STAG1: variants seen among roughly 807,000 people sequenced by gnomAD.
The protein encoded by STAG1 is cohesin subunit SA-1.
STAG1 carries 26 observed loss-of-function variants against 170.9 expected under a neutral mutation model. That is an observed-to-expected ratio of 0.15 (90% CI 0.11 to 0.21). The LOEUF (loss-of-function observed/expected upper bound fraction) is 0.21, where lower values mean the gene tolerates loss of function less well. Among genes scored for constraint, STAG1 ranks in the 10% least tolerant of loss-of-function variants. STAG1 has a pLI of 1.00. For synonymous variants in STAG1, 514 were observed against 497.7 expected (o/e 1.03, Z -0.44); for missense variants, 964 against 1,509.5 (o/e 0.64, Z 5.99).
At chr3:136,453,550 C>T (rs186577251) in intron 13 of STAG1, among the ~76,000 whole-genome samples, 140 of 146,728 alleles carry the variant, frequency 9.5e-4, no homozygotes, top group Non-Finnish European at 1.7e-3. Context: ...GAGATCGCGC[C>T]ACTGCACTCC....
intron 16 of STAG1, among the ~76,000 whole-genome samples, chr3:136,425,665 G>A (rs2088097766): frequency 1.3e-5 from 2 of 151,054 alleles, no homozygotes; most frequent in South Asian, 4.2e-4. Flanking sequence ...CAATATGAAT[G>A]TATGATTTAA....
chr3:136,734,240 T>C (rs1934211957), intron 1 of STAG1, among the ~76,000 whole-genome samples: 1 of 151,872 alleles, frequency 6.6e-6, no homozygotes, highest in Non-Finnish European at 1.5e-5. Context: ...ACAGGAAAAA[T>C]TGTAACCTGA....
chr3:136,634,325 C>G (rs1026224291), intron 1 of STAG1, among the ~76,000 whole-genome samples: 13 of 151,774 alleles, frequency 8.6e-5, no homozygotes, highest in African/African-American at 2.9e-4. Flanking sequence ...CCACTACACT[C>G]CAGCCTGGGG....
At chr3:136,563,873 T>G (rs1245105347) in intron 5 of STAG1, among the ~76,000 whole-genome samples, 1 of 151,690 alleles carries the variant, frequency 6.6e-6, no homozygotes, top group African/African-American at 2.4e-5. Flanking sequence ...ACAAAAAAAC[T>G]TTAGCTGGGC....
At position 136,343,712 on chromosome 3, in the gene STAG1, C is replaced by T. The variant is rs1936095941; in HGVS notation, c.3446+120G>A. ...CTTCTCACATGAAGTGTTTACCCTC[C>T]GTTTGTGGCTTATCATGAACTGACC... On this transcript the variant is annotated intron_variant, in intron 30 of 33. Transcript: ENST00000383202. 9.2e-6 allele frequency: 6 copies of T among 655,406 alleles called. No homozygotes were observed. The South Asian group carries it at 1.1e-4, about 12-fold the overall frequency. 40.6% of individuals were successfully genotyped at this position (655,406 alleles called of 1,614,324 possible).
At chr3:136,668,599 T>C (rs1251137313) in intron 1 of STAG1, among the ~76,000 whole-genome samples, 6 of 151,694 alleles carry the variant, frequency 4.0e-5, no homozygotes, top group Admixed American at 6.6e-5. Context: ...CTGCCAACTG[T>C]GAAAGCAGAG....
intron 9 of STAG1, among the ~76,000 whole-genome samples, chr3:136,477,781 T>G (rs530183002): frequency 2.6e-5 from 4 of 152,272 alleles, no homozygotes; most frequent in African/African-American, 9.6e-5. Context: ...TCAAAAGAAC[T>G]GTTAATCTTT....
chr3:136,412,444 T>G (rs1434399354), intron 21 of STAG1, among the ~76,000 whole-genome samples: 1 of 152,192 alleles, frequency 6.6e-6, no homozygotes, highest in East Asian at 1.9e-4. Flanking sequence ...TTACATAGTT[T>G]TAAAGAATAC....
chr3:136,657,789 T>C (rs1233078966), intron 1 of STAG1, among the ~76,000 whole-genome samples: 1 of 152,056 alleles, frequency 6.6e-6, no homozygotes, highest in Non-Finnish European at 1.5e-5. Context: ...ACCACTGCAC[T>C]CCAGCCTAGG....
At chr3:136,715,625 G>GA (rs1473314241) in intron 1 of STAG1, among the ~76,000 whole-genome samples, 2 of 151,408 alleles carry the variant, frequency 1.3e-5, no homozygotes, top group African/African-American at 4.9e-5. Flanking sequence ...TTTCAAAAAA[G>GA]AAAAAAATTT....
chr3:136,698,437 T>C (rs1040681797), intron 1 of STAG1, among the ~76,000 whole-genome samples: 3 of 151,988 alleles, frequency 2.0e-5, no homozygotes, highest in Non-Finnish European at 4.4e-5. Context: ...AAAACCACAA[T>C]GAGATACCAC....
intron 1 of STAG1, among the ~76,000 whole-genome samples, chr3:136,645,412 C>T (rs1310314553): frequency 6.6e-6 from 1 of 152,162 alleles, no homozygotes; most frequent in Non-Finnish European, 1.5e-5. Context: ...GTTTCATTGA[C>T]TTCAGCCCCA....
At chr3:136,719,399 G>A (rs1179215937) in intron 1 of STAG1, among the ~76,000 whole-genome samples, 2 of 151,962 alleles carry the variant, frequency 1.3e-5, no homozygotes, top group Non-Finnish European at 2.9e-5. Flanking sequence ...TCTTTGGGGG[G>A]TGATAGAAGT....
chr3:136,678,407 C>T (rs897041330), intron 1 of STAG1, among the ~76,000 whole-genome samples: 5 of 151,196 alleles, frequency 3.3e-5, no homozygotes, highest in Admixed American at 3.3e-4. Context: ...AGGGCAATCA[C>T]CCAAGTCAGT....
At chr3:136,602,654 C>A (rs973354173) in intron 4 of STAG1, among the ~76,000 whole-genome samples, 1 of 151,946 alleles carries the variant, frequency 6.6e-6, no homozygotes, top group Non-Finnish European at 1.5e-5. Context: ...AGTTTCAGAC[C>A]AGCCTGGCCA....
At chr3:136,458,914 G>C (rs934513057) in intron 13 of STAG1, among the ~76,000 whole-genome samples, 4 of 152,088 alleles carry the variant, frequency 2.6e-5, no homozygotes, top group Admixed American at 1.3e-4. Flanking sequence ...TTTAAGTCAA[G>C]AATGATTAAA....
intron 1 of STAG1, among the ~76,000 whole-genome samples, chr3:136,681,210 C>A (rs1476587458): frequency 6.6e-6 from 1 of 152,130 alleles, no homozygotes; most frequent in African/African-American, 2.4e-5. Flanking sequence ...ATATGCAGGG[C>A]TGACTGTACA....
In STAG1 at chr3:136,679,480, G is replaced by A. The variant is rs531786646; in HGVS notation, c.-83-48499C>T. Among the ~76,000 whole-genome samples the A allele has an allele frequency of 7.2e-5, 11 of 152,042 alleles. No homozygotes were observed. The East Asian group carries it at 2.1e-3, about 29-fold the overall frequency. Reference sequence around the variant, plus strand: ...GCGGTGGCTCACGCCTGTAATCCCAGCACTTTGGGAGGCCCAGGCGGGCGG... The same window carrying A: ...GCGGTGGCTCACGCCTGTAATCCCAACACTTTGGGAGGCCCAGGCGGGCGG... On this transcript the variant is annotated intron_variant, in intron 1 of 33. Transcript: ENST00000383202.
At chr3:136,505,644 A>T (rs1576542308) in intron 7 of STAG1, among the ~76,000 whole-genome samples, 1 of 152,244 alleles carries the variant, frequency 6.6e-6, no homozygotes, top group Admixed American at 6.5e-5. Flanking sequence ...GCATTGTTCT[A>T]GTTATTAGAG....
Sources: gnomAD v4.1 joint callset for allele counts (sites outside exome capture counted in the v4.1 genomes callset) on GRCh38, gnomAD v4.1.1 for gene constraint, MANE v1.5 for transcripts, NCBI Gene and HGNC (gene_info 2026-07-23, HGNC 2026-07-21) for gene names.